The following GJB1 variants were observed in gnomAD, a reference collection of about 807,000 sequenced individuals.
The protein encoded by GJB1 is gap junction beta-1 protein.
In GJB1, 1 loss-of-function variant was observed where a neutral mutation model predicts 12.0. The ratio of observed to expected loss-of-function variants is 0.08; its 90% CI spans 0.03 to 0.40. The LOEUF (loss-of-function observed/expected upper bound fraction) is 0.40, where lower values mean the gene tolerates loss of function less well. GJB1 is among the 10% of genes least tolerant of loss of function. GJB1 has a pLI of 0.98. For synonymous variants in GJB1, 114 were observed against 102.8 expected (o/e 1.11, Z -0.66); for missense variants, 140 against 250.3 (o/e 0.56, Z 2.97).
At position 71,224,025 on chromosome X, in the gene GJB1, A is replaced by G. The variant is rs754804402; in HGVS notation, c.318A>G (p.Leu106=). The G allele has an allele frequency of 6.2e-5, 74 of 1,199,656 alleles. 1 individual carries two copies. In the Admixed American group the frequency reaches 1.6e-3, roughly 26 times the overall value. ...AGCAACACATAGAGAAGAAAATGCT[A>G]CGGCTTGAGGGCCATGGGGACCCCC... ...AHQQHIEKKM[L]RLEGHGDPLH... The change falls in exon 2 of 2, where the codon CTA becomes CTG. Residue 106 remains leucine, a synonymous_variant. Transcript: ENST00000361726.
intron 1 of GJB1, chrX:71,217,802 AG>A (rs991491751): frequency 1.9e-5 from 2 of 103,482 alleles, no homozygotes; most frequent in Non-Finnish European, 3.9e-5. Flanking sequence ...CTAGAAACTC[AG>A]GGGTGGCCAG....
chrX:71,222,586 A>G (rs2092539787), upstream of GJB1: 1 of 97,320 alleles, frequency 1.0e-5, no homozygotes, highest in Non-Finnish European at 2.0e-5. Flanking sequence ...TTCTACAGAC[A>G]CTATCTGCAG....
At chrX:71,217,142 G>A (rs898690186) in intron 1 of GJB1, among the ~76,000 whole-genome samples, 10 of 110,313 alleles carry the variant, frequency 9.1e-5, no homozygotes, top group East Asian at 2.8e-4. Context: ...GTGTGTGTGC[G>A]TGTGCCAGCA....
rs747185844 is a variant in GJB1, at chrX:71,224,067, G to A, written c.360G>A (p.Val120=). 1.7e-6 allele frequency: 2 copies of A among 1,205,294 alleles called. No homozygotes were observed. The highest frequency in any genetic ancestry group is 3.6e-5 in the South Asian group (2 of 55,762). ...GHGDPLHLEE[V]KRHKVHISGT... is the part of the protein sequence containing the mutation. ...GGGACCCCCTACACCTGGAGGAGGT[G>A]AAGAGGCACAAGGTCCACATCTCAG... Residue 120 remains valine, a synonymous_variant, in exon 2 of 2, where the codon GTG becomes GTA. Coordinates refer to ENST00000361726, the MANE Select transcript of GJB1 (RefSeq NM_000166.6).
chrX:71,223,591 G>T, intron 1 of GJB1, 101 bp from the exon 2 acceptor site: 1 of 767,336 alleles, frequency 1.3e-6, no homozygotes, highest in Admixed American at 2.2e-5. Flanking sequence ...TCCTGCTACT[G>T]GCTCTTGGAA....
upstream of GJB1, among the ~76,000 whole-genome samples, chrX:71,220,335 T>A (rs1275231907): frequency 9.6e-6 from 1 of 104,067 alleles, no homozygotes; most frequent in African/African-American, 3.6e-5. Context: ...CGGCCTTTTT[T>A]TTTTTTTTTA....
At chrX:71,221,112 T>C (rs1179066131), upstream of GJB1, among the ~76,000 whole-genome samples, 4 of 108,319 alleles carry the variant, frequency 3.7e-5, no homozygotes, top group Admixed American at 4.0e-4. Flanking sequence ...GGCCTCGATC[T>C]GCTGACCTCG....
At chrX:71,222,682 C>T (rs1197727401), upstream of GJB1, 1 of 109,607 alleles carries the variant, frequency 9.1e-6, no homozygotes, top group Admixed American at 9.8e-5. Flanking sequence ...AACGGTGTGA[C>T]CTTGAGGAGT....
At chrX:71,215,524 T>C (rs1461123467) in intron 1 of GJB1, among the ~76,000 whole-genome samples, 1 of 111,969 alleles carries the variant, frequency 8.9e-6, no homozygotes, top group African/African-American at 3.2e-5. Context: ...TCACTTTTTT[T>C]CCTCTGGCCA....
In GJB1 at chrX:71,224,027, G is replaced by A. The variant is rs1383588318; in HGVS notation, c.320G>A (p.Arg107Gln). Residue 107 changes from arginine to glutamine, a missense_variant, in exon 2 of 2, where the codon CGG becomes CAG. Arg to Gln is a conservative substitution (Grantham distance 43, BLOSUM62 1). Around this residue, in one of 4 missense-constraint regions of GJB1, gnomAD observed 49 missense variants for 104.5 expected, o/e 0.47. Transcript: ENST00000361726. The stretch of plus-strand genomic sequence containing the variant: ...CAACACATAGAGAAGAAAATGCTAC[G>A]GCTTGAGGGCCATGGGGACCCCCTA... ...HQQHIEKKML[R>Q]LEGHGDPLHL... 5.0e-6 allele frequency: 6 copies of A among 1,199,031 alleles called. No individual in the cohort carries two copies. In the South Asian group the frequency reaches 5.5e-5, roughly 11 times the overall value.
At chrX:71,216,818 A>AG (rs2092526613) in intron 1 of GJB1, among the ~76,000 whole-genome samples, 1 of 111,792 alleles carries the variant, frequency 8.9e-6, no homozygotes, top group Non-Finnish European at 1.9e-5. Context: ...AGAGAGAAGC[A>AG]GGGGAAGGGG....
chrX:71,218,492 GA>G (rs781077491), upstream of GJB1, among the ~76,000 whole-genome samples: 1 of 107,751 alleles, frequency 9.3e-6, no homozygotes, highest in Non-Finnish European at 1.9e-5. Flanking sequence ...TGCTCTGCGA[GA>G]ATCACTTGAA....
upstream of GJB1, among the ~76,000 whole-genome samples, chrX:71,221,142 TC>T (rs2092537187): frequency 9.1e-6 from 1 of 110,274 alleles, no homozygotes; most frequent in Admixed American, 9.7e-5. Context: ...CGCCTTGGCC[TC>T]CCAAAGTGTT....
Position 71,224,411 on chromosome X carries a change from T to G in GJB1, c.704T>G (p.Phe235Cys), listed in dbSNP as rs104894825. Residue 235 changes from phenylalanine (F) to cysteine (C), a missense_variant, in exon 2 of 2, where the codon TTC becomes TGC. Physicochemically the swap from Phe to Cys is radical, Grantham distance 205. Around this residue, in one of 4 missense-constraint regions of GJB1, gnomAD observed 75 missense variants for 78.8 expected, o/e 0.95. Coordinates refer to ENST00000361726, the MANE Select transcript of GJB1 (RefSeq NM_000166.6). ...SNPPSRKGSGFGHRLSPEYKQ... is the reference protein window; with the variant it reads ...SNPPSRKGSGCGHRLSPEYKQ... ...CCACCTTCCCGCAAGGGCTCGGGCT[T>G]CGGCCACCGCCTCTCACCTGAATAC... The G allele has an allele frequency of 5.2e-4, 623 of 1,208,238 alleles. 1 individual carries two copies. The African/African-American group carries it at 9.6e-3, about 19-fold the overall frequency.
chrX:71,223,558 G>C (rs1456713932), intron 1 of GJB1, 134 bp from the exon 2 acceptor site: 4 of 602,252 alleles, frequency 6.6e-6, no homozygotes, highest in Non-Finnish European at 1.1e-5. Context: ...GGGTGACGAG[G>C]AAAGACATGA....
At chrX:71,219,706 G>A (rs1460626998), upstream of GJB1, among the ~76,000 whole-genome samples, 30 of 89,014 alleles carry the variant, frequency 3.4e-4, no homozygotes, top group Non-Finnish European at 5.4e-4. Flanking sequence ...CCTGGGAGGC[G>A]GAGCTTGCAG....
chrX:71,217,104 A>ATGTGTGTG (rs34246909), intron 1 of GJB1, among the ~76,000 whole-genome samples: 2,292 of 93,499 alleles, frequency 0.025, 44 homozygotes, highest in East Asian at 0.096. Flanking sequence ...GACTAGACGA[A>ATGTGTGTG]TGTGTGTGTG....
chrX:71,220,889 C>CTTTTTTT (rs1491472340), upstream of GJB1, among the ~76,000 whole-genome samples: 19 of 52,739 alleles, frequency 3.6e-4, no homozygotes, highest in African/African-American at 1.6e-3. Flanking sequence ...TTGTTTCTTT[C>CTTTTTTT]CTTTTTTTTT....
At chrX:71,221,994 T>C (rs2092538706), upstream of GJB1, among the ~76,000 whole-genome samples, 1 of 109,755 alleles carries the variant, frequency 9.1e-6, no homozygotes, top group Admixed American at 9.8e-5. Context: ...ATTGAAAAAT[T>C]AGCTGGGCAT....
Sources: allele counts gnomAD v4.1 joint callset (sites outside exome capture counted in the v4.1 genomes callset), GRCh38; gene constraint gnomAD v4.1.1; regional missense constraint gnomAD v4.1.1; transcripts MANE v1.5; gene names NCBI Gene and HGNC (gene_info 2026-07-23, HGNC 2026-07-21).